Variants in SENP1 observed in about 807,000 individuals in gnomAD.
SENP1 encodes SUMO specific peptidase 1, also known as sentrin-specific protease 1.
Under a neutral mutation model 93.0 loss-of-function variants are expected in SENP1, and 21 were observed. That is an observed-to-expected ratio of 0.23 (90% confidence interval 0.16 to 0.33). The LOEUF is 0.33. Among genes scored for constraint, SENP1 ranks in the 10% least tolerant of loss-of-function variants. SENP1 has a pLI of 1.00. For missense variants in SENP1, 591 were observed against 758.7 expected (o/e 0.78, Z 2.60); for synonymous variants, 256 against 259.6 (o/e 0.99, Z 0.13).
chr12:48,046,588 C>T, intron 16 of SENP1, 137 bp from the exon 17 acceptor site: 1 of 665,052 alleles, frequency 1.5e-6, no homozygotes, highest in Non-Finnish European at 2.7e-6. Flanking sequence ...CCAGTCAGGA[C>T]AACAGAGGCT....
chr12:48,102,708 T>C (rs1043822622), intron 1 of SENP1, among the ~76,000 whole-genome samples: 1 of 148,542 alleles, frequency 6.7e-6, no homozygotes, highest in Non-Finnish European at 1.5e-5. Context: ...GTCACAATAA[T>C]GAAAGTCACA....
At chr12:48,045,439 C>A in intron 17 of SENP1, 55 bp from the exon 18 acceptor site, 1 of 1,420,664 alleles carries the variant, frequency 7.0e-7, no homozygotes, top group South Asian at 1.2e-5. Flanking sequence ...AGACCTGATA[C>A]GCCTTTCCCC....
chr12:48,098,175 T>C lies in SENP1; in HGVS notation c.5-51A>G, dbSNP rs998318773. The C allele has an allele frequency of 2.6e-6, 4 of 1,568,120 alleles. No individual in the cohort carries two copies. In the Admixed American group the frequency reaches 7.1e-5, roughly 28 times the overall value. The stretch of plus-strand genomic sequence containing the variant: ...AAGTCACATAATTCTTCAATAACGT[T>C]TTTCCTATGAACCAATCTTTTCACC... On this transcript the variant is annotated intron_variant, in intron 2 of 17. Coordinates refer to ENST00000549518, the MANE Select transcript of SENP1 (RefSeq NM_001267594.2).
intron 8 of SENP1, among the ~76,000 whole-genome samples, chr12:48,073,441 C>A (rs1235417342): frequency 6.6e-6 from 1 of 151,380 alleles, no homozygotes. Flanking sequence ...CCTCAAACAA[C>A]CTGAGAAAGG....
At chr12:48,051,849 A>G (rs1216918273) in intron 13 of SENP1, among the ~76,000 whole-genome samples, 1 of 151,810 alleles carries the variant, frequency 6.6e-6, no homozygotes, top group African/African-American at 2.4e-5. Flanking sequence ...AAATGAGCTA[A>G]AAGTAGATGA....
At chr12:48,100,175 C>G (rs1945829290) in intron 2 of SENP1, among the ~76,000 whole-genome samples, 1 of 152,166 alleles carries the variant, frequency 6.6e-6, no homozygotes, top group African/African-American at 2.4e-5. Context: ...AGCTACTAGT[C>G]CTGACCTTAT....
At chr12:48,046,900 T>G in intron 16 of SENP1, 78 bp downstream of exon 16, 1 of 921,272 alleles carries the variant, frequency 1.1e-6, no homozygotes, top group Non-Finnish European at 1.7e-6. Context: ...AGGTGGTCCC[T>G]GGGAATTAAG....
rs1592288657 is a variant in SENP1 at position 48,051,842 on chromosome 12, T to C, written c.1408-2710A>G. Among the ~76,000 whole-genome samples the C allele has an allele frequency of 2.0e-5, 3 of 151,928 alleles. No homozygotes were observed. The South Asian group carries it at 6.2e-4, about 31-fold the overall frequency. The stretch of plus-strand genomic sequence containing the variant: ...AGCAGATCCTAAATTCCCTTTGAAA[T>C]GAGCTAAAAGTAGATGAGTCCTGTG... On this transcript the variant is annotated intron_variant, in intron 13 of 17. Transcript: ENST00000549518.
At chr12:48,055,293 C>G (rs530626214) in intron 13 of SENP1, 1 of 160,866 alleles carries the variant, frequency 6.2e-6, no homozygotes, top group East Asian at 1.8e-4. Flanking sequence ...GACACCCTCA[C>G]CAATGAATCC....
chr12:48,051,803 ACT>A (rs761939315), intron 13 of SENP1, among the ~76,000 whole-genome samples: 2 of 152,090 alleles, frequency 1.3e-5, no homozygotes, highest in Middle Eastern at 6.8e-3. Flanking sequence ...CTCAAACAAG[ACT>A]CTCTTAGCAC....
At chr12:48,068,339 A>G (rs1943438679) in intron 9 of SENP1, among the ~76,000 whole-genome samples, 1 of 152,226 alleles carries the variant, frequency 6.6e-6, no homozygotes, top group Non-Finnish European at 1.5e-5. Context: ...ATAACTGCAA[A>G]TGTTTTTGAG....
intron 13 of SENP1, among the ~76,000 whole-genome samples, chr12:48,057,626 T>A (rs1942645379): frequency 1.4e-5 from 1 of 72,862 alleles, no homozygotes; most frequent in South Asian, 3.6e-4. Flanking sequence ...ATATATTTTT[T>A]AATTGAAACA....
At position 48,048,079 on chromosome 12, in the gene SENP1, A is replaced by G; in HGVS notation, c.1613T>C (p.Val538Ala). Reference sequence around the variant, plus strand: ...AATATTCTTCTTTCTAAAGTCCACAACCTGAGAATAAGAAAAAAAGTCTCT... The same window carrying G: ...AATATTCTTCTTTCTAAAGTCCACAGCCTGAGAATAAGAAAAAAAGTCTCT... ...IHLGVHWCLAVVDFRKKNITY... is the reference protein window; with the variant it reads ...IHLGVHWCLAAVDFRKKNITY... Residue 538 changes from valine to alanine, a missense_variant and splice_region_variant, in exon 15 of 18, where the codon GTT (valine) becomes GCT (alanine). By Grantham distance (64) the Val-to-Ala change is moderately conservative. This residue lies in a region of SENP1 where 132 missense variants were observed against 230.1 expected (regional missense o/e 0.57). Transcript: ENST00000549518. 6.3e-7 allele frequency: 1 copy of G among 1,591,720 alleles called. No individual in the cohort carries two copies. The highest frequency in any genetic ancestry group is 8.6e-7 in the Non-Finnish European group (1 of 1,160,550).
At position 48,064,797 on chromosome 12, in the gene SENP1, C is replaced by T. The variant is rs139249265; in HGVS notation, c.1275+268G>A. 6.4e-3 allele frequency among the ~76,000 whole-genome samples: 978 copies of T among 152,176 alleles called. 10 individuals carry two copies. The highest frequency in any genetic ancestry group is 0.01 in the Non-Finnish European group (689 of 68,018). On this transcript the variant is annotated intron_variant, in intron 12 of 17. Transcript: ENST00000549518. ...GTTCAAGCAATTCTCCTGCCTCAGC[C>T]TCCTGTGTAGCTGGGATTACAGGTG...
chr12:48,070,277 T>C (rs2137007486), intron 9 of SENP1, among the ~76,000 whole-genome samples: 1 of 152,338 alleles, frequency 6.6e-6, no homozygotes, highest in South Asian at 2.1e-4. Flanking sequence ...TATTTCCATA[T>C]GGCTCCCTCT....
chr12:48,086,570 C>G (rs1944876816), intron 5 of SENP1, among the ~76,000 whole-genome samples: 1 of 152,188 alleles, frequency 6.6e-6, no homozygotes, highest in Non-Finnish European at 1.5e-5. Flanking sequence ...AGAACCAAAA[C>G]AAGATACTGT....
chr12:48,101,513 A>G lies in SENP1; in HGVS notation c.-41T>C, dbSNP rs764921108. ...ATCACTGACTTTAGCAAAGATACAA[A>G]GTCCTATAAAAGAAGACACAAAACA... On this transcript the variant is annotated 5_prime_UTR_variant, in exon 2 of 18. Coordinates refer to ENST00000549518, the MANE Select transcript of SENP1 (RefSeq NM_001267594.2). 1.9e-6 allele frequency: 3 copies of G among 1,569,054 alleles called. No individual in the cohort carries two copies. Among genetic ancestry groups the G allele is most frequent in the Non-Finnish European group, 2.6e-6 (3 of 1,150,732 alleles).
intron 13 of SENP1, among the ~76,000 whole-genome samples, chr12:48,062,820 C>T (rs193300299): frequency 1.3e-5 from 2 of 152,254 alleles, no homozygotes; most frequent in Middle Eastern, 3.4e-3. Context: ...AAACATGAAT[C>T]GTACTAATGA....
chr12:48,071,743 T>G (rs1199764988), intron 8 of SENP1, 22 bp from the exon 9 acceptor site: 2 of 1,537,348 alleles, frequency 1.3e-6, no homozygotes, highest in African/African-American at 2.7e-5. Context: ...CAAGAGCATT[T>G]CATTAGTAAT....
Sources: gnomAD v4.1 joint callset for allele counts (sites outside exome capture counted in the v4.1 genomes callset) on GRCh38, gnomAD v4.1.1 for gene constraint, gnomAD v4.1.1 regional missense constraint, MANE v1.5 for transcripts, NCBI Gene and HGNC (gene_info 2026-07-23, HGNC 2026-07-21) for gene names.